The following ZMYND8 variants were observed in gnomAD, a reference collection of about 807,000 sequenced individuals.
ZMYND8 encodes MYND-type zinc finger-containing chromatin reader ZMYND8.
Under a neutral mutation model 140.8 loss-of-function variants are expected in ZMYND8, and 37 were observed. The observed-to-expected ratio is 0.26, with a 90% CI of 0.20 to 0.35. The LOEUF is 0.35. ZMYND8 is among the 10% of genes least tolerant of loss of function. ZMYND8 has a pLI of 1.00. For synonymous variants in ZMYND8, 592 were observed against 597.1 expected, an observed-to-expected ratio of 0.99 and a Z score of 0.12; for missense variants, 1,068 against 1,570.0, an observed-to-expected ratio of 0.68 and a Z score of 5.40.
At chr20:47,341,510 G>C (rs6094665) in intron 2 of ZMYND8, among the ~76,000 whole-genome samples, 5,683 of 144,300 alleles carry the variant, frequency 0.039, 345 homozygotes, top group African/African-American at 0.14. Flanking sequence ...CTAGGTGACA[G>C]AGCGAGACTC....
intron 21 of ZMYND8, among the ~76,000 whole-genome samples, chr20:47,213,188 T>G (rs572466312): frequency 3.3e-5 from 5 of 151,794 alleles, no homozygotes; most frequent in African/African-American, 1.2e-4. Context: ...AAGGCACACG[T>G]GATGAGGAGG....
chr20:47,331,054 G>T (rs1245237831), intron 2 of ZMYND8, among the ~76,000 whole-genome samples: 1 of 152,116 alleles, frequency 6.6e-6, no homozygotes, highest in East Asian at 1.9e-4. Context: ...AGAGAGAAGT[G>T]GAACACGGAG....
intron 2 of ZMYND8, among the ~76,000 whole-genome samples, chr20:47,335,496 A>G (rs2081322163): frequency 6.6e-6 from 1 of 152,118 alleles, no homozygotes; most frequent in African/African-American, 2.4e-5. Flanking sequence ...CACTATCAAT[A>G]GAGAACAATG....
In ZMYND8 at chr20:47,319,201, C is replaced by T. The variant is rs887579581; in HGVS notation, c.86-8997G>A. ...TGCAATCAGGCAGTCTGAAACCCAGCGACTTGCCTTCATGTCCCCGGGCTT... is the reference window on the plus strand; with the variant it reads ...TGCAATCAGGCAGTCTGAAACCCAGTGACTTGCCTTCATGTCCCCGGGCTT... On this transcript the variant is annotated intron_variant, in intron 2 of 22. Coordinates refer to ENST00000471951, the MANE Select transcript of ZMYND8 (RefSeq NM_001281775.3). 3 of 403,838 alleles carry T rather than the reference C, an allele frequency of 7.4e-6. No individual in the cohort carries two copies. The Admixed American group carries it at 1.0e-4, about 14-fold the overall frequency. 25.0% of individuals were successfully genotyped at this position (403,838 alleles called of 1,614,324 possible). A position where few individuals can be genotyped will look rare whatever the true frequency, so the allele number is the denominator to read the frequency against.
Position 47,337,975 on chromosome 20 carries a change from A to G in ZMYND8, c.85+9881T>C, listed in dbSNP as rs140475908. On this transcript the variant is annotated intron_variant, in intron 2 of 22. Coordinates refer to ENST00000471951, the MANE Select transcript of ZMYND8 (RefSeq NM_001281775.3). Reference sequence around the variant, plus strand: ...AAGGTCACATGGACTAGATGTAGGAATAGGACTGAGGAATTCTGCACCAAT... The same window carrying G: ...AAGGTCACATGGACTAGATGTAGGAGTAGGACTGAGGAATTCTGCACCAAT... Among the ~76,000 whole-genome samples, 217 of 152,204 alleles carry G rather than the reference A, an allele frequency of 1.4e-3. 2 individuals are homozygous for G. Among genetic ancestry groups the G allele is most frequent in the Non-Finnish European group, 1.8e-3 (123 of 68,022 alleles).
intron 8 of ZMYND8, among the ~76,000 whole-genome samples, chr20:47,285,390 C>G (rs1191814109): frequency 2.0e-5 from 3 of 152,218 alleles, no homozygotes; most frequent in Admixed American, 1.3e-4. Context: ...GCAGAGTGCA[C>G]CTCCTGCTTC....
At chr20:47,309,766 TG>T (rs1402382493) in intron 3 of ZMYND8, among the ~76,000 whole-genome samples, 2 of 143,284 alleles carry the variant, frequency 1.4e-5, no homozygotes, top group Non-Finnish European at 3.0e-5. Context: ...CCTAAAAGCA[TG>T]AAAAAAAAAA....
At chr20:47,318,634 C>G (rs2148323393) in intron 2 of ZMYND8, 1 of 427,898 alleles carries the variant, frequency 2.3e-6, no homozygotes, top group East Asian at 7.1e-5. Flanking sequence ...ATTATTTCCT[C>G]CAACGCTGAC....
chr20:47,217,241 T>G (rs1428788510), intron 21 of ZMYND8, among the ~76,000 whole-genome samples: 1 of 151,102 alleles, frequency 6.6e-6, no homozygotes, highest in Non-Finnish European at 1.5e-5. Flanking sequence ...AGTGCCTTAT[T>G]AGCAGAGCCA....
chr20:47,229,669 T>C, intron 17 of ZMYND8, 57 bp downstream of exon 17: 13 of 1,559,034 alleles, frequency 8.3e-6, no homozygotes, highest in Non-Finnish European at 1.1e-5. Context: ...GGTACCACCT[T>C]TAAAGCAGCC....
In ZMYND8 at chr20:47,319,229, G is replaced by A. The variant is rs541726771; in HGVS notation, c.86-9025C>T. The A allele has an allele frequency of 9.2e-5, 34 of 367,654 alleles. 1 individual carries two copies. Among genetic ancestry groups the A allele is most frequent in the South Asian group, 5.7e-4 (28 of 49,092 alleles). The allele number at this position is 367,654 out of a possible 1,614,324, so 22.8% of individuals were successfully genotyped here. A position where few individuals can be genotyped will look rare whatever the true frequency, so the allele number is the denominator to read the frequency against. On this transcript the variant is annotated intron_variant, in intron 2 of 22. Coordinates refer to ENST00000471951, the MANE Select transcript of ZMYND8 (RefSeq NM_001281775.3). ...CTTGCCTTCATGTCCCCGGGCTTTC[G>A]CCTATAATTTATCACCCTCAACAGC...
In ZMYND8 at chr20:47,276,512, T is replaced by C. The variant is rs2076269597; in HGVS notation, c.1282A>G (p.Lys428Glu). The change falls in exon 11 of 23, where the codon AAG (lysine) becomes GAG (glutamate). Residue 428 changes from lysine to glutamate, a missense_variant. Lys to Glu is a moderately conservative substitution (Grantham distance 56). Around this residue, in one of 10 missense-constraint regions of ZMYND8, gnomAD observed 173 missense variants for 223.3 expected, o/e 0.77. Transcript: ENST00000471951. ...KLNFDMTASP[K>E]ILMSKPVLSG... ...AGCACAGGCTTGCTCATCAGGATCTTGGGGGATGCCGTCATGTCAAAGTTG... is the reference window on the plus strand; with the variant it reads ...AGCACAGGCTTGCTCATCAGGATCTCGGGGGATGCCGTCATGTCAAAGTTG... 6.2e-7 allele frequency: 1 copy of C among 1,613,842 alleles called. No individual in the cohort carries two copies. The highest frequency in any genetic ancestry group is 8.5e-7 in the Non-Finnish European group (1 of 1,180,024).
chr20:47,255,667 T>C (rs2074567623), intron 12 of ZMYND8, among the ~76,000 whole-genome samples: 1 of 136,516 alleles, frequency 7.3e-6, no homozygotes. Flanking sequence ...TCAGTATATG[T>C]ATATGGTGTA....
At chr20:47,333,742 A>AAAAAAC (rs1569221009) in intron 2 of ZMYND8, among the ~76,000 whole-genome samples, 36 of 142,128 alleles carry the variant, frequency 2.5e-4, no homozygotes, top group African/African-American at 9.6e-4. Flanking sequence ...AAAAAAAAAA[A>AAAAAAC]AAAAAAAAAA....
At chr20:47,344,293 T>C (rs960224057) in intron 2 of ZMYND8, among the ~76,000 whole-genome samples, 1 of 152,202 alleles carries the variant, frequency 6.6e-6, no homozygotes, top group African/African-American at 2.4e-5. Context: ...TGATAGATCT[T>C]ATTAATAATA....
intron 2 of ZMYND8, among the ~76,000 whole-genome samples, chr20:47,345,506 CT>C (rs528404084): frequency 0.026 from 3,605 of 137,426 alleles, 110 homozygotes; most frequent in African/African-American, 0.078. Flanking sequence ...ACCTGACCCA[CT>C]TTTTTTTTTT....
At chr20:47,289,112 A>C (rs1480519907) in intron 7 of ZMYND8, among the ~76,000 whole-genome samples, 1 of 152,184 alleles carries the variant, frequency 6.6e-6, no homozygotes, top group Non-Finnish European at 1.5e-5. Flanking sequence ...TAAATAAATA[A>C]ATAAATAAAT....
At chr20:47,286,349 T>C (rs1169913611) in intron 8 of ZMYND8, among the ~76,000 whole-genome samples, 1 of 152,046 alleles carries the variant, frequency 6.6e-6, no homozygotes, top group African/African-American at 2.4e-5. Context: ...CAGCTAATTT[T>C]TGTATTTTTA....
At position 47,309,940 on chromosome 20, in the gene ZMYND8, C is replaced by T. The variant is rs2078795998; in HGVS notation, c.234+116G>A. ...TTTGTCCAAGGCAAATGACAGCCAG[C>T]GCAAGGCAGCTAACTAAATCCAAGA... On this transcript the variant is annotated intron_variant, in intron 3 of 22. Coordinates refer to ENST00000471951, the MANE Select transcript of ZMYND8 (RefSeq NM_001281775.3). 11 of 1,411,016 alleles carry T rather than the reference C, an allele frequency of 7.8e-6. No homozygotes were observed. In the East Asian group the frequency reaches 9.1e-5, roughly 12 times the overall value. 87.4% of individuals were successfully genotyped at this position (1,411,016 alleles called of 1,614,324 possible). A position where few individuals can be genotyped will look rare whatever the true frequency, so the allele number is the denominator to read the frequency against.
Sources: allele counts gnomAD v4.1 joint callset (sites outside exome capture counted in the v4.1 genomes callset), GRCh38; gene constraint gnomAD v4.1.1; regional missense constraint gnomAD v4.1.1; transcripts MANE v1.5; gene names NCBI Gene and HGNC (gene_info 2026-07-23, HGNC 2026-07-21).